Variants in OSMR observed in about 807,000 individuals in gnomAD.
OSMR encodes oncostatin M receptor, also known as oncostatin-M-specific receptor subunit beta.
Under a neutral mutation model 99.9 loss-of-function variants are expected in OSMR, and 81 were observed. The ratio of observed to expected loss-of-function variants is 0.81; its 90% CI spans 0.68 to 0.97. The LOEUF is 0.97. Ranked by LOEUF, OSMR falls within the 50% of genes least tolerant of loss-of-function variation. OSMR has a pLI of 0.00. For missense variants in OSMR, 1,099 were observed against 1,153.4 expected (o/e 0.95, Z 0.68); for synonymous variants, 406 against 410.4 (o/e 0.99, Z 0.13).
At chr5:38,847,544 G>C (rs888785209) in intron 1 of OSMR, among the ~76,000 whole-genome samples, 1 of 151,978 alleles carries the variant, frequency 6.6e-6, no homozygotes, top group Non-Finnish European at 1.5e-5. Context: ...CTCTCTCCTG[G>C]GCTGCTTTAA....
chr5:38,923,001 C>G (rs1746305094), intron 12 of OSMR, 149 bp from the exon 13 acceptor site: 2 of 801,654 alleles, frequency 2.5e-6, no homozygotes, highest in South Asian at 3.2e-5. Flanking sequence ...GTCTCCAACT[C>G]CTGGCCTCAA....
intron 9 of OSMR, among the ~76,000 whole-genome samples, chr5:38,914,266 A>G (rs1447726401): frequency 6.6e-6 from 1 of 152,146 alleles, no homozygotes; most frequent in African/African-American, 2.4e-5. Flanking sequence ...ATGGTCATCT[A>G]TGTCTGCTCA....
chr5:38,944,362 C>T, intron 2 of OSMR: 1 of 1,386,864 alleles, frequency 7.2e-7, no homozygotes, highest in Non-Finnish European at 1.0e-6. Flanking sequence ...GTTAACTAGC[C>T]TAACTTTTGA....
At chr5:38,891,571 C>G (rs1744159754) in intron 7 of OSMR, among the ~76,000 whole-genome samples, 1 of 152,170 alleles carries the variant, frequency 6.6e-6, no homozygotes, top group Non-Finnish European at 1.5e-5. Context: ...AAAGGGTGAA[C>G]AAGTGAGAGT....
At position 38,881,765 on chromosome 5, in the gene OSMR, G is replaced by T. The variant is rs749351551; in HGVS notation, c.418+1G>T. On this transcript the variant is annotated splice_donor_variant, in intron 4 of 17. Transcript: ENST00000274276. LOFTEE classifies it high-confidence loss of function. ...TGGAGTTCCTGGGAGGAAGTCAGTG[G>T]TAAGAAGTGAGGTGGTTACAAGAGT... 1 of 1,613,280 alleles carries T rather than the reference G, an allele frequency of 6.2e-7. No homozygotes were observed. The highest frequency in any genetic ancestry group is 1.1e-5 in the South Asian group (1 of 91,074).
chr5:38,919,437 G>A (rs910482972), intron 11 of OSMR: 1 of 1,026,440 alleles, frequency 9.7e-7, no homozygotes, highest in Non-Finnish European at 1.3e-6. Context: ...TTTGTAAAAA[G>A]TGTTGTCAGT....
At chr5:38,871,344 C>T (rs1281715188) in intron 2 of OSMR, among the ~76,000 whole-genome samples, 1 of 152,246 alleles carries the variant, frequency 6.6e-6, no homozygotes, top group Admixed American at 6.5e-5. Flanking sequence ...GTTTTTCTAT[C>T]AACCAATCTT....
intron 7 of OSMR, among the ~76,000 whole-genome samples, chr5:38,900,285 T>C (rs1226131674): frequency 6.6e-6 from 1 of 152,184 alleles, no homozygotes; most frequent in Non-Finnish European, 1.5e-5. Flanking sequence ...ACAGGGCTGC[T>C]GCCAGGGAAT....
chr5:38,938,046 A>C (rs1425174056), downstream of OSMR: 7 of 204,078 alleles, frequency 3.4e-5, no homozygotes, highest in Admixed American at 4.2e-4. Flanking sequence ...ACAACAAAAA[A>C]AATCAAGGTG....
chr5:38,896,796 CTT>C (rs1363965096), intron 7 of OSMR, among the ~76,000 whole-genome samples: 2 of 151,628 alleles, frequency 1.3e-5, no homozygotes, highest in African/African-American at 2.4e-5. Flanking sequence ...TCGTATATGA[CTT>C]TTATTGTGTT....
chr5:38,871,415 G>T lies in OSMR; in HGVS notation c.73+2298G>T, dbSNP rs566514888. 2.0e-5 allele frequency among the ~76,000 whole-genome samples: 3 copies of T among 152,228 alleles called. No individual in the cohort carries two copies. The South Asian group carries it at 6.2e-4, about 32-fold the overall frequency. Reference sequence around the variant, plus strand: ...TTCTTTGGTAATTAATCCTGTCTTTGCCCTGACCTGTACTATTTGGATTTC... The same window carrying T: ...TTCTTTGGTAATTAATCCTGTCTTTTCCCTGACCTGTACTATTTGGATTTC... On this transcript the variant is annotated intron_variant, in intron 2 of 17. Transcript: ENST00000274276.
intron 14 of OSMR, 154 bp from the exon 15 acceptor site, chr5:38,925,050 G>C: frequency 1.0e-6 from 1 of 984,582 alleles, no homozygotes; most frequent in African/African-American, 1.7e-5. Context: ...TGCCCATGGT[G>C]ATGAAATTAT....
intron 1 of OSMR, among the ~76,000 whole-genome samples, chr5:38,943,502 A>G (rs1384129160): frequency 2.0e-5 from 3 of 151,912 alleles, no homozygotes; most frequent in Admixed American, 2.0e-4. Flanking sequence ...CCCAATACCT[A>G]TATCACCCTT....
intron 1 of OSMR, among the ~76,000 whole-genome samples, chr5:38,848,455 C>T (rs534871819): frequency 6.6e-6 from 1 of 152,242 alleles, no homozygotes; most frequent in East Asian, 1.9e-4. Flanking sequence ...GTGCACTCCA[C>T]GTTGTATTCT....
At chr5:38,928,900 C>T (rs1316245723) in intron 15 of OSMR, among the ~76,000 whole-genome samples, 4 of 151,708 alleles carry the variant, frequency 2.6e-5, no homozygotes, top group Non-Finnish European at 5.9e-5. Flanking sequence ...ACTTGGTATA[C>T]ACACACACAC....
In OSMR at chr5:38,932,922, T is replaced by C; in HGVS notation, c.2418T>C (p.Ala806=). ...ATGTCAGTGACTGTATCCCAGATGC[T>C]ATTGAAGTTGTAAGCAAGCCAGAAG... ...IMNVSDCIPD[A]IEVVSKPEGT... is the part of the protein sequence containing the mutation. The change falls in exon 18 of 18, where the codon GCT becomes GCC. Residue 806 remains alanine (A), a synonymous_variant. Coordinates refer to ENST00000274276, the MANE Select transcript of OSMR (RefSeq NM_003999.3). The C allele has an allele frequency of 6.2e-7, 1 of 1,614,180 alleles. No homozygotes were observed. The highest frequency in any genetic ancestry group is 1.1e-5 in the South Asian group (1 of 91,082).
intron 1 of OSMR, among the ~76,000 whole-genome samples, chr5:38,856,120 T>C (rs1414027919): frequency 3.9e-5 from 6 of 152,190 alleles, no homozygotes; most frequent in Non-Finnish European, 7.3e-5. Context: ...ACACTTGGAA[T>C]AGGACAACTT....
intron 4 of OSMR, among the ~76,000 whole-genome samples, chr5:38,882,935 G>A (rs190964532): frequency 6.6e-6 from 1 of 152,328 alleles, no homozygotes; most frequent in East Asian, 1.9e-4. Context: ...AACCCAGACA[G>A]TCTGGCTCCA....
At chr5:38,868,371 G>A (rs1036188090) in intron 1 of OSMR, among the ~76,000 whole-genome samples, 13 of 152,136 alleles carry the variant, frequency 8.5e-5, no homozygotes, top group African/African-American at 2.7e-4. Context: ...TAGGTGATAC[G>A]GCTTGGCTGT....
Sources: gnomAD v4.1 joint callset for allele counts (sites outside exome capture counted in the v4.1 genomes callset) on GRCh38, gnomAD v4.1.1 for gene constraint, MANE v1.5 for transcripts, NCBI Gene and HGNC (gene_info 2026-07-23, HGNC 2026-07-21) for gene names.